Variants in SPATA31H1 observed in about 807,000 individuals in gnomAD.
The protein encoded by SPATA31H1 is SPATA31 subfamily H member 1.
chr2:27,576,523 T>A, the SPATA31H1 span: 2 of 1,424,234 alleles, frequency 1.4e-6, no homozygotes, highest in South Asian at 2.8e-5. Context: ...TCACAATGCG[T>A]TAAATCTGTG....
the SPATA31H1 span, chr2:27,566,743 T>G: frequency 2.9e-6 from 2 of 686,750 alleles, no homozygotes; most frequent in African/African-American, 3.6e-5. Context: ...AGATCAAGGC[T>G]TGTGGAACAG....
the SPATA31H1 span, among the ~76,000 whole-genome samples, chr2:27,541,733 A>T: frequency 1.3e-5 from 2 of 151,980 alleles, no homozygotes; most frequent in Non-Finnish European, 2.9e-5. Flanking sequence ...TTAATGGCTG[A>T]GACCTGTGAT....
chr2:27,543,304 A>G, the SPATA31H1 span, among the ~76,000 whole-genome samples: 3 of 152,012 alleles, frequency 2.0e-5, no homozygotes, highest in Non-Finnish European at 4.4e-5. Flanking sequence ...TTCATAAGTT[A>G]TTTTAGATAA....
the SPATA31H1 span, chr2:27,581,085 A>G: frequency 6.2e-7 from 1 of 1,614,218 alleles, no homozygotes; most frequent in Non-Finnish European, 8.5e-7. Context: ...GAACTTGTCC[A>G]CACCAGGAAC....
the SPATA31H1 span, chr2:27,569,066 G>A: frequency 2.3e-5 from 9 of 398,838 alleles, no homozygotes; most frequent in South Asian, 7.6e-4. Flanking sequence ...CAGGGCCACT[G>A]AGCCAAACTT....
chr2:27,553,075 T>G, the SPATA31H1 span, among the ~76,000 whole-genome samples: 1 of 152,138 alleles, frequency 6.6e-6, no homozygotes, highest in Non-Finnish European at 1.5e-5. Flanking sequence ...GTGAAGGACC[T>G]GCTCCAGTGG....
chr2:27,551,200 A>T, the SPATA31H1 span, among the ~76,000 whole-genome samples: 1 of 151,998 alleles, frequency 6.6e-6, no homozygotes, highest in East Asian at 1.9e-4. Context: ...GATGCTTTTC[A>T]TATATTATTG....
the SPATA31H1 span, chr2:27,572,182 A>G: frequency 5.0e-6 from 2 of 398,530 alleles, no homozygotes; most frequent in Non-Finnish European, 4.4e-6. Context: ...GAGTTCAAAC[A>G]TGAACCACAG....
chr2:27,542,268 G>T, the SPATA31H1 span, among the ~76,000 whole-genome samples: 1 of 151,710 alleles, frequency 6.6e-6, no homozygotes, highest in Non-Finnish European at 1.5e-5. Flanking sequence ...GTGGTGGTGG[G>T]TGTCTGTAGT....
At chr2:27,563,870 A>G in the SPATA31H1 span, among the ~76,000 whole-genome samples, 2 of 146,892 alleles carry the variant, frequency 1.4e-5, no homozygotes, top group African/African-American at 5.1e-5. Context: ...TGCCCCAGCT[A>G]ATTTTTTAAA....
chr2:27,582,302 C>CAA, the SPATA31H1 span: 1 of 1,614,200 alleles, frequency 6.2e-7, no homozygotes. Context: ...GAACCCGTCA[C>CAA]AGTCCCTCTG....
At chr2:27,551,292 A>G in the SPATA31H1 span, among the ~76,000 whole-genome samples, 3 of 151,956 alleles carry the variant, frequency 2.0e-5, no homozygotes, top group East Asian at 1.9e-4. Flanking sequence ...TCTTTCTAAT[A>G]TTGTCCTTAT....
chr2:27,563,698 T>A, the SPATA31H1 span, among the ~76,000 whole-genome samples: 1 of 151,996 alleles, frequency 6.6e-6, no homozygotes, highest in Non-Finnish European at 1.5e-5. Context: ...TAGCTGGGAT[T>A]ACAGGTGCAC....
the SPATA31H1 span, among the ~76,000 whole-genome samples, chr2:27,550,465 C>A: frequency 5.2e-5 from 7 of 133,786 alleles, no homozygotes; most frequent in African/African-American, 2.1e-4. Context: ...ATTGCCCGGG[C>A]TGGAGTGCAG....
the SPATA31H1 span, among the ~76,000 whole-genome samples, chr2:27,537,809 A>T: frequency 6.6e-6 from 1 of 152,164 alleles, no homozygotes; most frequent in Non-Finnish European, 1.5e-5. Context: ...GGATATACAC[A>T]TAACTGGAAA....
the SPATA31H1 span, among the ~76,000 whole-genome samples, chr2:27,550,208 T>C: frequency 1.3e-5 from 2 of 148,856 alleles, no homozygotes; most frequent in African/African-American, 5.0e-5. Context: ...TCAATAGAGA[T>C]GGTATAGTGG....
the SPATA31H1 span, among the ~76,000 whole-genome samples, chr2:27,554,354 A>G: frequency 8.6e-5 from 13 of 151,766 alleles, no homozygotes; most frequent in African/African-American, 2.9e-4. Context: ...ACCAATTTCT[A>G]TCTTAGTCCA....
chr2:27,562,758 G>A, the SPATA31H1 span, among the ~76,000 whole-genome samples: 1,624 of 151,520 alleles, frequency 0.011, 15 homozygotes, highest in Non-Finnish European at 0.015. Context: ...CTGGTGGTGC[G>A]CACATGTAGT....
the SPATA31H1 span, chr2:27,568,643 G>T: frequency 2.5e-6 from 1 of 399,014 alleles, no homozygotes; most frequent in South Asian, 1.3e-4. Flanking sequence ...CTGTGGAGCT[G>T]ACCCTAAGAC....
Sources: gnomAD v4.1 joint callset for allele counts (sites outside exome capture counted in the v4.1 genomes callset) on GRCh38, gnomAD v4.1.1 for gene constraint, MANE v1.5 for transcripts, NCBI Gene and HGNC (gene_info 2026-07-23, HGNC 2026-07-21) for gene names.